PAK5: variants seen among roughly 807,000 people sequenced by gnomAD.
PAK5 encodes p21 (RAC1) activated kinase 5.
A neutral mutation model predicts 65.9 loss-of-function variants in PAK5; 16 were observed. The ratio of observed to expected loss-of-function variants is 0.24; its 90% confidence interval spans 0.16 to 0.37. The LOEUF (loss-of-function observed/expected upper bound fraction) is 0.37. Ranked by LOEUF, PAK5 falls within the 10% of genes least tolerant of loss-of-function variation. The probability of loss-of-function intolerance (pLI) is 1.00; values close to 1 mark genes in which losing one functional copy is unlikely to be tolerated. For missense variants in PAK5, 785 were observed against 903.9 expected, an observed-to-expected ratio of 0.87 and a Z score of 1.69; for synonymous variants, 371 against 354.9, an observed-to-expected ratio of 1.05 and a Z score of -0.51.
chr20:9,615,020 C>A (rs564619241), intron 3 of PAK5, among the ~76,000 whole-genome samples: 6 of 151,994 alleles, frequency 3.9e-5, no homozygotes, highest in Admixed American at 3.9e-4. Flanking sequence ...TGCTACCGAG[C>A]CATGAAAAGA....
At chr20:9,542,418 G>A (rs1356361750) in intron 9 of PAK5, among the ~76,000 whole-genome samples, 168 bp downstream of exon 9, 1 of 152,202 alleles carries the variant, frequency 6.6e-6, no homozygotes, top group Non-Finnish European at 1.5e-5. Flanking sequence ...CACTTGCCCA[G>A]TAAACGAATA....
chr20:9,572,434 C>T (rs1339296485), intron 4 of PAK5, among the ~76,000 whole-genome samples: 1 of 152,182 alleles, frequency 6.6e-6, no homozygotes, highest in Non-Finnish European at 1.5e-5. Flanking sequence ...CACACATGTT[C>T]ATGCATGTGA....
chr20:9,685,894 C>T (rs1208377202), intron 2 of PAK5, among the ~76,000 whole-genome samples: 1 of 152,190 alleles, frequency 6.6e-6, no homozygotes, highest in East Asian at 1.9e-4. Flanking sequence ...GCCTGCATCC[C>T]TGGCCTGGAA....
chr20:9,806,926 C>T (rs2049239889), intron 1 of PAK5, among the ~76,000 whole-genome samples: 1 of 152,048 alleles, frequency 6.6e-6, no homozygotes, highest in Non-Finnish European at 1.5e-5. Flanking sequence ...TTTCTGAGGG[C>T]CCAAGGACAG....
chr20:9,827,469 C>G (rs1978356741), intron 1 of PAK5, among the ~76,000 whole-genome samples: 1 of 152,078 alleles, frequency 6.6e-6, no homozygotes, highest in Non-Finnish European at 1.5e-5. Context: ...AGGCATAAAG[C>G]CAGGTGCTGG....
At chr20:9,789,894 T>C (rs2049031874) in intron 1 of PAK5, among the ~76,000 whole-genome samples, 1 of 152,108 alleles carries the variant, frequency 6.6e-6, no homozygotes, top group Non-Finnish European at 1.5e-5. Context: ...TGGCTCATTT[T>C]CCCCTAATTC....
intron 1 of PAK5, among the ~76,000 whole-genome samples, chr20:9,763,701 C>T (rs539139466): frequency 3.9e-5 from 6 of 152,086 alleles, no homozygotes; most frequent in South Asian, 4.2e-4. Flanking sequence ...AGTATTTTCC[C>T]GTTTTTTTTA....
chr20:9,600,880 C>A (rs1482397524), intron 3 of PAK5, among the ~76,000 whole-genome samples: 3 of 152,076 alleles, frequency 2.0e-5, no homozygotes, highest in Non-Finnish European at 4.4e-5. Flanking sequence ...GCTCAAAGGA[C>A]CTTCTCTTCA....
chr20:9,555,512 G>A (rs887077216), intron 7 of PAK5, among the ~76,000 whole-genome samples: 1 of 152,202 alleles, frequency 6.6e-6, no homozygotes, highest in African/African-American at 2.4e-5. Context: ...TGCTCTGCTA[G>A]ACCAGTTTAA....
intron 1 of PAK5, among the ~76,000 whole-genome samples, chr20:9,735,854 C>T (rs1259945018): frequency 2.0e-5 from 3 of 151,810 alleles, no homozygotes; most frequent in Non-Finnish European, 4.4e-5. Flanking sequence ...GACAAAAACC[C>T]GTCTCTACTA....
At chr20:9,628,845 T>C (rs1031279945) in intron 3 of PAK5, among the ~76,000 whole-genome samples, 1 of 152,170 alleles carries the variant, frequency 6.6e-6, no homozygotes, top group African/African-American at 2.4e-5. Context: ...AGTGTGGAGT[T>C]GCCAGGAAAT....
chr20:9,811,357 C>T (rs558716095), intron 1 of PAK5, among the ~76,000 whole-genome samples: 1 of 152,152 alleles, frequency 6.6e-6, no homozygotes, highest in Non-Finnish European at 1.5e-5. Context: ...CTCTCCCCCA[C>T]CCCAAAAAGA....
chr20:9,835,194 A>C (rs1979049374), intron 1 of PAK5, among the ~76,000 whole-genome samples: 1 of 152,218 alleles, frequency 6.6e-6, no homozygotes, highest in African/African-American at 2.4e-5. Flanking sequence ...AAGTTCATTG[A>C]GCACCTTCTG....
chr20:9,542,024 G>T (rs1603187504), intron 9 of PAK5, among the ~76,000 whole-genome samples: 1 of 152,180 alleles, frequency 6.6e-6, no homozygotes, highest in Non-Finnish European at 1.5e-5. Context: ...AAATTACTCA[G>T]TCTTGGGTAT....
intron 2 of PAK5, among the ~76,000 whole-genome samples, chr20:9,668,437 A>G (rs1569030131): frequency 6.6e-6 from 1 of 152,228 alleles, no homozygotes; most frequent in Non-Finnish European, 1.5e-5. Context: ...GTTTATACAC[A>G]AAGATGATAT....
intron 1 of PAK5, among the ~76,000 whole-genome samples, chr20:9,766,243 AAT>A (rs1166545240): frequency 2.4e-5 from 1 of 42,224 alleles, no homozygotes; most frequent in East Asian, 1.5e-3. Context: ...AAAAGAAAAA[AAT>A]ATATATATAT....
At chr20:9,573,274 C>T (rs1262424846) in intron 4 of PAK5, among the ~76,000 whole-genome samples, 2 of 151,728 alleles carry the variant, frequency 1.3e-5, no homozygotes, top group African/African-American at 4.8e-5. Flanking sequence ...ATAAATAATC[C>T]CCAGTTAACA....
Position 9,537,507 on chromosome 20 carries a change from C to T in PAK5, c.*1955G>A, listed in dbSNP as rs571718969. The stretch of plus-strand genomic sequence containing the variant: ...CTCAATGAATACTTTAAAAAATACC[C>T]GATGGTAAGAAAATTACAGAAAAAT... On this transcript the variant is annotated 3_prime_UTR_variant, in exon 10 of 10. Coordinates refer to ENST00000353224, the MANE Select transcript of PAK5 (RefSeq NM_177990.4). The T allele has an allele frequency of 4.7e-5, 10 of 210,846 alleles. No homozygotes were observed. The highest frequency in any genetic ancestry group is 1.4e-4 in the East Asian group (2 of 14,010). The allele number at this position is 210,846 out of a possible 1,614,324, so 13.1% of individuals were successfully genotyped here.
intron 2 of PAK5, among the ~76,000 whole-genome samples, chr20:9,655,690 T>G (rs935665922): frequency 2.0e-5 from 3 of 152,176 alleles, no homozygotes; most frequent in Non-Finnish European, 2.9e-5. Flanking sequence ...GATTGTCAGA[T>G]GTGGAAATAA....
Sources: allele counts gnomAD v4.1 joint callset (sites outside exome capture counted in the v4.1 genomes callset), GRCh38; gene constraint gnomAD v4.1.1; transcripts MANE v1.5; gene names NCBI Gene and HGNC (gene_info 2026-07-23, HGNC 2026-07-21).